Variants in ARHGEF10L observed in about 807,000 individuals in gnomAD.
ARHGEF10L encodes rho guanine nucleotide exchange factor 10-like protein.
In ARHGEF10L, 69 loss-of-function variants were observed where a neutral mutation model predicts 141.2. The observed-to-expected ratio is 0.49, with a 90% CI of 0.40 to 0.60. ARHGEF10L has a LOEUF of 0.60. ARHGEF10L is among the 20% of genes least tolerant of loss of function. ARHGEF10L has a pLI of 0.00. For missense variants in ARHGEF10L, 1,482 were observed against 1,734.3 expected (o/e 0.85, Z 2.58); for synonymous variants, 711 against 718.5 (o/e 0.99, Z 0.17).
chr1:17,514,757 T>A, the ARHGEF10L span, among the ~76,000 whole-genome samples: 48 of 152,208 alleles, frequency 3.2e-4, no homozygotes, highest in Non-Finnish European at 5.1e-4. Context: ...GAGGTGTGTG[T>A]GTTGGGGGGA....
intron 28 of ARHGEF10L, among the ~76,000 whole-genome samples, chr1:17,696,503 G>A (rs1256823464): frequency 6.6e-6 from 1 of 152,162 alleles, no homozygotes; most frequent in Non-Finnish European, 1.5e-5. Flanking sequence ...GGGATTCACA[G>A]TGAGGAGTGT....
At position 17,603,776 on chromosome 1, in the gene ARHGEF10L, G is replaced by A. The variant is rs1181171793; in HGVS notation, c.433+185G>A. Among the ~76,000 whole-genome samples, 1 of 152,250 alleles carries A rather than the reference G, an allele frequency of 6.6e-6. No homozygotes were observed. Among genetic ancestry groups the A allele is most frequent in the Non-Finnish European group, 1.5e-5 (1 of 68,046 alleles). Reference sequence around the variant, plus strand: ...GATGGCTGAGGGCGTGGCCACCGGGGCCGGGCAGGGCTTGGGCATCATGGG... The same window carrying A: ...GATGGCTGAGGGCGTGGCCACCGGGACCGGGCAGGGCTTGGGCATCATGGG... On this transcript the variant is annotated intron_variant, in intron 6 of 28. Transcript: ENST00000361221. The surrounding 1 kb of genome is among the most constrained non-coding windows in gnomAD (Gnocchi z 4.8).
At chr1:17,633,336 G>T (rs1442845694) in intron 16 of ARHGEF10L, among the ~76,000 whole-genome samples, 1 of 152,166 alleles carries the variant, frequency 6.6e-6, no homozygotes, top group East Asian at 1.9e-4. Context: ...TATTTGACAA[G>T]ACTTTATTTT....
rs1336902311 is a variant in ARHGEF10L at position 17,639,108 on chromosome 1, A to G, written c.2171+419A>G. ...AATGCCCACCACAGGAGCTGTGCAC[A>G]GTAGACCCCAACTGAGGTTTGTGGA... On this transcript the variant is annotated intron_variant, in intron 20 of 28. Transcript: ENST00000361221. This position sits in a 1 kb window ranked among gnomAD's most constrained non-coding sequence, Gnocchi z 4.3. Among the ~76,000 whole-genome samples the G allele has an allele frequency of 6.6e-6, 1 of 152,186 alleles. No homozygotes were observed. Among genetic ancestry groups the G allele is most frequent in the Non-Finnish European group, 1.5e-5 (1 of 68,016 alleles).
At position 17,656,435 on chromosome 1, in the gene ARHGEF10L, G is replaced by A. The variant is rs987806497; in HGVS notation, c.2706-119G>A. ...GGAGCTATGGCCTGGCCACACAGCC[G>A]AAAGGCGTGGCTGAGAGGGGTCAGC... On this transcript the variant is annotated intron_variant, in intron 24 of 28. Coordinates refer to ENST00000361221, the MANE Select transcript of ARHGEF10L (RefSeq NM_018125.4). This position sits in a 1 kb window ranked among gnomAD's most constrained non-coding sequence, Gnocchi z 4.9. 45 of 1,290,372 alleles carry A rather than the reference G, an allele frequency of 3.5e-5. No individual in the cohort carries two copies. Among genetic ancestry groups the A allele is most frequent in the East Asian group, 7.0e-5 (3 of 42,782 alleles). The allele number at this position is 1,290,372 out of a possible 1,614,324, so 79.9% of individuals were successfully genotyped here. A position where few individuals can be genotyped will look rare whatever the true frequency, so the allele number is the denominator to read the frequency against.
rs1358122817 is a variant in ARHGEF10L, at chr1:17,684,046, G to A, written c.3010-3527G>A. ...ATCCGTGAGCAAGGAGCTGCGTGCT[G>A]TGTTTTGGAAAAGCCTGCAGACAAA... On this transcript the variant is annotated intron_variant, in intron 26 of 28. Coordinates refer to ENST00000361221, the MANE Select transcript of ARHGEF10L (RefSeq NM_018125.4). 2.0e-5 allele frequency among the ~76,000 whole-genome samples: 3 copies of A among 152,358 alleles called. No homozygotes were observed. The East Asian group carries it at 5.8e-4, about 29-fold the overall frequency.
In ARHGEF10L at chr1:17,603,717, T is replaced by C; in HGVS notation, c.433+126T>C. ...GCCAAGTGCCCCTCCTTCTTGTCTT[T>C]AGAAACAACTGTAGTCATCGGGGAG... On this transcript the variant is annotated intron_variant, in intron 6 of 28. Transcript: ENST00000361221. The surrounding 1 kb of genome is among the most constrained non-coding windows in gnomAD (Gnocchi z 4.8). The C allele has an allele frequency of 2.4e-6, 2 of 848,604 alleles. No homozygotes were observed. The highest frequency in any genetic ancestry group is 3.5e-6 in the Non-Finnish European group (2 of 575,338). The allele number at this position is 848,604 out of a possible 1,614,324, so 52.6% of individuals were successfully genotyped here.
the ARHGEF10L span, among the ~76,000 whole-genome samples, chr1:17,529,824 CTTTTTTTTTTTTT>C: frequency 3.0e-5 from 2 of 67,158 alleles, no homozygotes; most frequent in Non-Finnish European, 2.7e-5. Flanking sequence ...ACACATCAGT[CTTTTTTTTTTTTT>C]TTTTTTTTTT....
chr1:17,517,913 C>T, the ARHGEF10L span, among the ~76,000 whole-genome samples: 6 of 152,144 alleles, frequency 3.9e-5, no homozygotes, highest in South Asian at 2.1e-4. Context: ...CCAACCGCCT[C>T]GGCCTCCCAA....
At chr1:17,647,110 CT>C (rs2061651346) in intron 21 of ARHGEF10L, among the ~76,000 whole-genome samples, 1 of 152,122 alleles carries the variant, frequency 6.6e-6, no homozygotes, top group African/African-American at 2.4e-5. Flanking sequence ...CAGAGCTACT[CT>C]AGCATCACCG....
rs566912643 is a variant in ARHGEF10L, at chr1:17,672,196, C to A, written c.3009+7601C>A. Among the ~76,000 whole-genome samples the A allele has an allele frequency of 5.5e-5, 8 of 144,498 alleles. No homozygotes were observed. In the East Asian group the frequency reaches 1.1e-3, roughly 20 times the overall value. The allele number at this position is 144,498 out of a possible 152,430, so 94.8% of individuals were successfully genotyped here. On this transcript the variant is annotated intron_variant, in intron 26 of 28. Transcript: ENST00000361221. Reference sequence around the variant, plus strand: ...CCCTTGATTTCCCCTGCCCACCCCCCGCCCCAGCCGCCTTCCCCACCCTTA... The same window carrying A: ...CCCTTGATTTCCCCTGCCCACCCCCAGCCCCAGCCGCCTTCCCCACCCTTA...
chr1:17,516,499 G>A, the ARHGEF10L span, among the ~76,000 whole-genome samples: 1 of 152,138 alleles, frequency 6.6e-6, no homozygotes, highest in South Asian at 2.1e-4. Flanking sequence ...GCCAGCTCTG[G>A]CAGCTCCACA....
At chr1:17,580,134 A>G (rs1557734051) in intron 1 of ARHGEF10L, among the ~76,000 whole-genome samples, 1 of 152,204 alleles carries the variant, frequency 6.6e-6, no homozygotes, top group South Asian at 2.1e-4. Context: ...AAGGGAGCCC[A>G]TGCTTCCTGG....
rs1320401232 is a variant in ARHGEF10L, at chr1:17,621,502, G to A, written c.943-362G>A. 6.6e-6 allele frequency among the ~76,000 whole-genome samples: 1 copy of A among 152,200 alleles called. No homozygotes were observed. The highest frequency in any genetic ancestry group is 2.4e-5 in the African/African-American group (1 of 41,446). ...CCCATCTCTGCCTCCCAAAGTGCTGGGATTACAAGCATGAGCCACCTTGCC... is the reference window on the plus strand; with the variant it reads ...CCCATCTCTGCCTCCCAAAGTGCTGAGATTACAAGCATGAGCCACCTTGCC... On this transcript the variant is annotated intron_variant, in intron 10 of 28. Coordinates refer to ENST00000361221, the MANE Select transcript of ARHGEF10L (RefSeq NM_018125.4). The surrounding 1 kb of genome is among the most constrained non-coding windows in gnomAD (Gnocchi z 4.1).
chr1:17,613,793 G>A (rs1318597359), intron 8 of ARHGEF10L, among the ~76,000 whole-genome samples: 1 of 152,248 alleles, frequency 6.6e-6, no homozygotes, highest in African/African-American at 2.4e-5. Context: ...TTCGAGGTCT[G>A]TGGGCCTGGT....
At chr1:17,636,963 C>T (rs1267127014) in intron 18 of ARHGEF10L, among the ~76,000 whole-genome samples, 2 of 152,088 alleles carry the variant, frequency 1.3e-5, no homozygotes, top group Non-Finnish European at 2.9e-5. Flanking sequence ...CTGCCACCCC[C>T]TACCCCCATC....
At chr1:17,591,724 T>G (rs576946362) in intron 4 of ARHGEF10L, among the ~76,000 whole-genome samples, 3 of 152,196 alleles carry the variant, frequency 2.0e-5, no homozygotes, top group Non-Finnish European at 4.4e-5. Flanking sequence ...ACTTTCATAT[T>G]TTTTGTAGAG....
At chr1:17,588,880 G>GTGTGTGTGTGTGTGTGTGTC (rs2079274596) in intron 4 of ARHGEF10L, among the ~76,000 whole-genome samples, 16 of 74,526 alleles carry the variant, frequency 2.1e-4, no homozygotes, top group African/African-American at 1.1e-3. Context: ...GTGTGTGTGT[G>GTGTGTGTGTGTGTGTGTGTC]TGTGTGTGTG....
intron 1 of ARHGEF10L, among the ~76,000 whole-genome samples, chr1:17,556,069 G>T (rs1557701690): frequency 6.8e-6 from 1 of 147,184 alleles, no homozygotes. Context: ...GAGCCTGGGA[G>T]CACGGGGGTG....
Sources: gnomAD v4.1 joint callset for allele counts (sites outside exome capture counted in the v4.1 genomes callset) on GRCh38, gnomAD v4.1.1 for gene constraint, Gnocchi (gnomAD v3.1) non-coding constraint, MANE v1.5 for transcripts, NCBI Gene and HGNC (gene_info 2026-07-23, HGNC 2026-07-21) for gene names.